Variants in THADA observed in about 807,000 individuals in gnomAD.
THADA encodes THADA armadillo repeat containing.
In THADA, 213 loss-of-function variants were observed where a neutral mutation model predicts 219.8. That is an observed-to-expected ratio of 0.97 (90% CI 0.87 to 1.09). THADA has a LOEUF of 1.09. Among genes scored for constraint, THADA ranks in the 50% least tolerant of loss-of-function variants. THADA has a pLI of 0.00. For missense variants in THADA, 2,956 were observed against 2,311.3 expected (o/e 1.28, Z -5.72); for synonymous variants, 1,018 against 828.9 (o/e 1.23, Z -3.92).
chr2:43,566,302 C>A (rs1463929673), intron 15 of THADA: 3 of 529,982 alleles, frequency 5.7e-6, no homozygotes, highest in African/African-American at 4.0e-5. Context: ...GTAAAGGAAA[C>A]CACATTTTAA....
intron 20 of THADA, among the ~76,000 whole-genome samples, chr2:43,541,971 G>C (rs367891403): frequency 6.6e-6 from 1 of 152,034 alleles, no homozygotes. Context: ...CATGACTGTT[G>C]CATTAGTAAA....
intron 31 of THADA, among the ~76,000 whole-genome samples, chr2:43,300,511 G>A (rs1676134497): frequency 6.6e-6 from 1 of 152,138 alleles, no homozygotes; most frequent in Admixed American, 6.5e-5. Flanking sequence ...AAATGAATGC[G>A]ATGGCACTGA....
chr2:43,303,359 C>G (rs1407016913), intron 31 of THADA, among the ~76,000 whole-genome samples: 1 of 152,098 alleles, frequency 6.6e-6, no homozygotes, highest in African/African-American at 2.4e-5. Flanking sequence ...CCTAACTAAC[C>G]AAGGGAGAGT....
chr2:43,303,174 T>A (rs1676458068), intron 31 of THADA, among the ~76,000 whole-genome samples: 1 of 152,178 alleles, frequency 6.6e-6, no homozygotes, highest in Non-Finnish European at 1.5e-5. Flanking sequence ...TTCATGGCAC[T>A]GAGGAGTGTT....
intron 28 of THADA, among the ~76,000 whole-genome samples, chr2:43,402,456 T>C (rs1182750083): frequency 6.6e-6 from 1 of 152,142 alleles, no homozygotes; most frequent in African/African-American, 2.4e-5. Context: ...AAAGGACCAT[T>C]CTGCTGAGAT....
At chr2:43,559,197 C>T (rs896985510) in intron 16 of THADA, among the ~76,000 whole-genome samples, 3 of 152,150 alleles carry the variant, frequency 2.0e-5, no homozygotes, top group Non-Finnish European at 4.4e-5. Context: ...CAAAAGTTAG[C>T]AGCCTGAGCA....
intron 22 of THADA, among the ~76,000 whole-genome samples, chr2:43,517,106 C>G (rs1353822864): frequency 6.6e-6 from 1 of 152,044 alleles, no homozygotes; most frequent in African/African-American, 2.4e-5. Context: ...AGAGAGCTAG[C>G]TAGAAAATTA....
chr2:43,447,126 G>A (rs928993184), intron 26 of THADA, among the ~76,000 whole-genome samples: 3 of 152,138 alleles, frequency 2.0e-5, no homozygotes, highest in African/African-American at 7.2e-5. Context: ...TCACAGGGCA[G>A]CAGGAGAGAG....
intron 22 of THADA, among the ~76,000 whole-genome samples, chr2:43,518,282 T>C (rs909569990): frequency 6.6e-6 from 1 of 152,250 alleles, no homozygotes; most frequent in African/African-American, 2.4e-5. Context: ...AAAGAGGGTA[T>C]AATAACTAGA....
intron 31 of THADA, among the ~76,000 whole-genome samples, chr2:43,298,911 A>G (rs565303731): frequency 6.6e-6 from 1 of 152,308 alleles, no homozygotes; most frequent in South Asian, 2.1e-4. Context: ...TTTCCTAAGC[A>G]TATACAGGTT....
At chr2:43,573,393 G>A (rs1490954235) in intron 11 of THADA, among the ~76,000 whole-genome samples, 1 of 152,126 alleles carries the variant, frequency 6.6e-6, no homozygotes, top group East Asian at 1.9e-4. Flanking sequence ...TTTTAGAGTG[G>A]CTGTTTCTCA....
chr2:43,574,798 G>A lies in THADA; in HGVS notation c.1267C>T (p.Arg423Trp), dbSNP rs758393859. Reference protein sequence around the residue: ...IMFKNLLQMHRLTVEGADFVP... With the variant: ...IMFKNLLQMHWLTVEGADFVP... ...AAATCTGCACCTTCCACAGTGAGCCGGTGCATTTGGAGAAGGTTTTTGAAC... is the reference window on the plus strand; with the variant it reads ...AAATCTGCACCTTCCACAGTGAGCCAGTGCATTTGGAGAAGGTTTTTGAAC... Residue 423 changes from arginine (R) to tryptophan (W), a missense_variant, in exon 11 of 38, where the codon CGG (arginine) becomes TGG (tryptophan). Transcript: ENST00000405975. 1.4e-5 allele frequency: 22 copies of A among 1,613,856 alleles called. No individual in the cohort carries two copies. In the East Asian group the frequency reaches 1.6e-4, roughly 11 times the overall value.
chr2:43,548,699 G>A (rs570317744), intron 20 of THADA, among the ~76,000 whole-genome samples: 164 of 152,154 alleles, frequency 1.1e-3, no homozygotes, highest in Non-Finnish European at 1.4e-3. Context: ...CTCCTGGTGC[G>A]CTGTTTTTTA....
At chr2:43,544,940 C>T (rs1231611843) in intron 20 of THADA, among the ~76,000 whole-genome samples, 2 of 151,202 alleles carry the variant, frequency 1.3e-5, no homozygotes, top group African/African-American at 4.9e-5. Flanking sequence ...GAGAGGGCAT[C>T]CCTGTCTTGT....
At chr2:43,390,737 G>A (rs1673271528) in intron 29 of THADA, among the ~76,000 whole-genome samples, 1 of 152,312 alleles carries the variant, frequency 6.6e-6, no homozygotes, top group South Asian at 2.1e-4. Flanking sequence ...ACTGAGAGCA[G>A]TAATCTTGGA....
intron 26 of THADA, among the ~76,000 whole-genome samples, chr2:43,454,748 C>A (rs945299975): frequency 1.3e-5 from 2 of 152,098 alleles, no homozygotes; most frequent in African/African-American, 4.8e-5. Context: ...TTTTCCTTGT[C>A]CTTAATTTAA....
At chr2:43,488,265 A>C (rs1476836135) in intron 25 of THADA, among the ~76,000 whole-genome samples, 1 of 152,216 alleles carries the variant, frequency 6.6e-6, no homozygotes, top group Non-Finnish European at 1.5e-5. Context: ...CAAAGTGTGA[A>C]GCTATCACCA....
chr2:43,538,599 A>T (rs1488738031), intron 21 of THADA: 1 of 147,206 alleles, frequency 6.8e-6, no homozygotes, highest in East Asian at 1.9e-4. Flanking sequence ...ATTAAACTTA[A>T]AGAAAAATTA....
rs919347928 is a variant in THADA, at chr2:43,593,673, G to A, written c.-24-1257C>T. 6.8e-5 allele frequency among the ~76,000 whole-genome samples: 9 copies of A among 132,668 alleles called. No individual in the cohort carries two copies. In the South Asian group the frequency reaches 6.8e-4, roughly 10 times the overall value. The allele number at this position is 132,668 out of a possible 152,430, so 87.0% of individuals were successfully genotyped here. A position where few individuals can be genotyped will look rare whatever the true frequency, so the allele number is the denominator to read the frequency against. ...TTTTGAGACGGAGTCTTGCTCCTTC[G>A]CCCATGCTGGAGTGCAGTGGCGCGA... On this transcript the variant is annotated intron_variant, in intron 1 of 37. Transcript: ENST00000405975.
Sources: allele counts gnomAD v4.1 joint callset (sites outside exome capture counted in the v4.1 genomes callset), GRCh38; gene constraint gnomAD v4.1.1; transcripts MANE v1.5; gene names NCBI Gene and HGNC (gene_info 2026-07-23, HGNC 2026-07-21).